The following RXFP1 variants were observed in gnomAD, a reference collection of about 807,000 sequenced individuals.
The protein encoded by RXFP1 is relaxin family peptide receptor 1, also known as relaxin receptor 1.
In RXFP1, 73 loss-of-function variants were observed where a neutral mutation model predicts 89.8. The observed-to-expected ratio is 0.81, with a 90% CI of 0.67 to 0.99. The LOEUF (loss-of-function observed/expected upper bound fraction) is 0.99, where lower values mean the gene tolerates loss of function less well. Among genes scored for constraint, RXFP1 ranks in the 50% least tolerant of loss-of-function variants. The pLI, the probability that RXFP1 is intolerant of heterozygous loss-of-function variation, is 0.00. For synonymous variants in RXFP1, 277 were observed against 305.5 expected, an observed-to-expected ratio of 0.91 and a Z score of 0.97; for missense variants, 793 against 895.5, an observed-to-expected ratio of 0.89 and a Z score of 1.46.
intron 1 of RXFP1, among the ~76,000 whole-genome samples, chr4:158,539,083 C>G (rs903558686): frequency 4.6e-5 from 7 of 152,198 alleles, no homozygotes; most frequent in Admixed American, 1.3e-4. Context: ...TAGCAACCAC[C>G]TCCCATCATG....
chr4:158,543,848 G>C, intron 1 of RXFP1: 1 of 985,212 alleles, frequency 1.0e-6, no homozygotes. Context: ...AATCCAGTAA[G>C]ACAGAGTGGC....
At chr4:158,617,106 A>G in intron 8 of RXFP1, 25 bp from the exon 9 acceptor site, 4 of 1,540,386 alleles carry the variant, frequency 2.6e-6, no homozygotes, top group Non-Finnish European at 3.6e-6. Context: ...GAAAAATGTG[A>G]CTTGTTTGTC....
At chr4:158,602,792 C>T (rs1221108221) in intron 4 of RXFP1, among the ~76,000 whole-genome samples, 3 of 151,946 alleles carry the variant, frequency 2.0e-5, no homozygotes, top group South Asian at 2.1e-4. Context: ...CTCACTCTGT[C>T]GCCCAGGCTA....
intron 15 of RXFP1, chr4:158,646,525 C>A (rs1307895862): frequency 7.8e-7 from 1 of 1,283,512 alleles, no homozygotes; most frequent in East Asian, 3.9e-5. Flanking sequence ...TAGACAAGAT[C>A]TGTGCTGTTA....
chr4:158,627,598 A>G (rs897509285), intron 10 of RXFP1, among the ~76,000 whole-genome samples: 1 of 150,622 alleles, frequency 6.6e-6, no homozygotes, highest in African/African-American at 2.5e-5. Context: ...TTACCACAGG[A>G]ATGATTTGAA....
chr4:158,572,906 T>C (rs1755400345), intron 2 of RXFP1, 71 bp downstream of exon 2: 4 of 1,560,404 alleles, frequency 2.6e-6, no homozygotes, highest in Admixed American at 1.9e-5. Flanking sequence ...CGCTGAGACT[T>C]CTCTCAACAA....
At chr4:158,548,115 T>C (rs1749019599) in intron 1 of RXFP1, among the ~76,000 whole-genome samples, 1 of 152,222 alleles carries the variant, frequency 6.6e-6, no homozygotes, top group Non-Finnish European at 1.5e-5. Context: ...AAGGACTTGC[T>C]TTATGAATCT....
chr4:158,624,475 A>G (rs1341677020), intron 9 of RXFP1, among the ~76,000 whole-genome samples: 1 of 152,154 alleles, frequency 6.6e-6, no homozygotes, highest in Non-Finnish European at 1.5e-5. Flanking sequence ...AGAACCACCA[A>G]AGTTTTCATT....
intron 1 of RXFP1, among the ~76,000 whole-genome samples, chr4:158,551,850 A>G (rs1750213888): frequency 6.6e-6 from 1 of 152,124 alleles, no homozygotes; most frequent in African/African-American, 2.4e-5. Flanking sequence ...CTGAGGTAGG[A>G]GGATTGCTTG....
Position 158,644,084 on chromosome 4 carries a change from G to A in RXFP1, c.1116-825G>A, listed in dbSNP as rs1445747420. Among the ~76,000 whole-genome samples the A allele has an allele frequency of 2.5e-5, 3 of 119,298 alleles. No homozygotes were observed. In the Admixed American group the frequency reaches 3.3e-4, roughly 13 times the overall value. The allele number at this position is 119,298 out of a possible 152,430, so 78.3% of individuals were successfully genotyped here. A position where few individuals can be genotyped will look rare whatever the true frequency, so the allele number is the denominator to read the frequency against. On this transcript the variant is annotated intron_variant, in intron 14 of 17. Transcript: ENST00000307765. The stretch of plus-strand genomic sequence containing the variant: ...TTTGGAGACAGAGTCTCGCTCTGTC[G>A]CCCCCAGGCTGGAGTGCAGTGGCAC...
At chr4:158,642,800 G>A (rs1334149345) in intron 14 of RXFP1, among the ~76,000 whole-genome samples, 10 of 152,252 alleles carry the variant, frequency 6.6e-5, no homozygotes, top group Middle Eastern at 3.4e-3. Flanking sequence ...AATTAAGGAC[G>A]TGGACACACA....
At chr4:158,632,229 T>C (rs1768187442) in intron 11 of RXFP1, among the ~76,000 whole-genome samples, 2 of 152,230 alleles carry the variant, frequency 1.3e-5, no homozygotes, top group Admixed American at 1.3e-4. Context: ...GTCTCCAGGT[T>C]CAGTTTGCAG....
chr4:158,634,113 A>G (rs1383192534), intron 12 of RXFP1, among the ~76,000 whole-genome samples: 11 of 152,120 alleles, frequency 7.2e-5, no homozygotes, highest in African/African-American at 2.7e-4. Flanking sequence ...TTTCCATAGG[A>G]GTTTAACCAT....
intron 1 of RXFP1, among the ~76,000 whole-genome samples, chr4:158,548,167 G>A (rs996880329): frequency 6.6e-6 from 1 of 152,164 alleles, no homozygotes; most frequent in African/African-American, 2.4e-5. Flanking sequence ...AGGATAGTTA[G>A]CTCTTATTGT....
At chr4:158,564,935 T>C (rs116497267) in intron 1 of RXFP1, among the ~76,000 whole-genome samples, 269 of 152,350 alleles carry the variant, frequency 1.8e-3, no homozygotes, top group African/African-American at 6.0e-3. Flanking sequence ...TTTCTACTTC[T>C]GTTCCTAAAC....
chr4:158,610,746 G>T (rs1561122651), intron 6 of RXFP1: 1 of 1,270,878 alleles, frequency 7.9e-7, no homozygotes. Context: ...TTGTATAAGA[G>T]AACACCCTGA....
intron 12 of RXFP1, among the ~76,000 whole-genome samples, chr4:158,634,704 T>C (rs1009024525): frequency 3.3e-5 from 5 of 152,192 alleles, no homozygotes; most frequent in African/African-American, 1.2e-4. Context: ...AGTTAACTTA[T>C]GTACATGGTG....
chr4:158,622,946 A>G (rs893646891), intron 9 of RXFP1, among the ~76,000 whole-genome samples: 3 of 152,180 alleles, frequency 2.0e-5, no homozygotes, highest in Non-Finnish European at 4.4e-5. Flanking sequence ...CTGTATATCG[A>G]AACAGGCTAT....
At chr4:158,544,408 TA>T (rs1560978259) in intron 1 of RXFP1, 3 of 968,022 alleles carry the variant, frequency 3.1e-6, no homozygotes, top group Non-Finnish European at 3.7e-6. Flanking sequence ...ATAGAGGAAG[TA>T]AGTTAGAAGC....
Sources: allele counts gnomAD v4.1 joint callset (sites outside exome capture counted in the v4.1 genomes callset), GRCh38; gene constraint gnomAD v4.1.1; transcripts MANE v1.5; gene names NCBI Gene and HGNC (gene_info 2026-07-23, HGNC 2026-07-21).